The following DCC variants were observed in gnomAD, a reference collection of about 807,000 sequenced individuals.
The protein encoded by DCC is DCC netrin 1 receptor.
In DCC, 58 loss-of-function variants were observed where a neutral mutation model predicts 172.5. The ratio of observed to expected loss-of-function variants is 0.34; its 90% confidence interval spans 0.27 to 0.42. DCC has a LOEUF of 0.42. Among genes scored for constraint, DCC ranks in the 10% least tolerant of loss-of-function variants. DCC has a pLI of 1.00. For synonymous variants in DCC, 709 were observed against 644.5 expected, an observed-to-expected ratio of 1.10 and a Z score of -1.52; for missense variants, 1,740 against 1,791.0, an observed-to-expected ratio of 0.97 and a Z score of 0.51.
intron 1 of DCC, among the ~76,000 whole-genome samples, chr18:52,699,947 G>A (rs1449431190): frequency 6.6e-6 from 1 of 151,950 alleles, no homozygotes; most frequent in African/African-American, 2.4e-5. Context: ...CCATTAAAGT[G>A]TAGGTATCGC....
intron 12 of DCC, among the ~76,000 whole-genome samples, chr18:53,220,058 C>A (rs1425393513): frequency 6.6e-6 from 1 of 151,934 alleles, no homozygotes; most frequent in Non-Finnish European, 1.5e-5. Flanking sequence ...AAGTCCATAG[C>A]CAAGTGGGTG....
chr18:53,294,801 G>A (rs1253752324), intron 12 of DCC, among the ~76,000 whole-genome samples: 1 of 152,168 alleles, frequency 6.6e-6, no homozygotes, highest in African/African-American at 2.4e-5. Flanking sequence ...CCAGGGAAAG[G>A]ATTCTCCCAG....
At chr18:53,382,045 T>C (rs1022527075) in intron 15 of DCC, among the ~76,000 whole-genome samples, 1 of 144,000 alleles carries the variant, frequency 6.9e-6, no homozygotes, top group African/African-American at 2.6e-5. Context: ...CGTTTTTCTT[T>C]TCTCTCTCTC....
intron 12 of DCC, among the ~76,000 whole-genome samples, chr18:53,250,964 C>T (rs1309126786): frequency 6.6e-6 from 1 of 151,904 alleles, no homozygotes; most frequent in African/African-American, 2.4e-5. Flanking sequence ...CCTTGTTGTG[C>T]ATGGTTTACC....
At chr18:52,942,565 A>G (rs2040480600) in intron 5 of DCC, among the ~76,000 whole-genome samples, 2 of 152,194 alleles carry the variant, frequency 1.3e-5, no homozygotes, top group Non-Finnish European at 1.5e-5. Flanking sequence ...GCTCAGAATC[A>G]TGGTGGGGCA....
chr18:53,396,891 T>C (rs72931352), intron 17 of DCC, among the ~76,000 whole-genome samples: 6 of 152,292 alleles, frequency 3.9e-5, no homozygotes, highest in Admixed American at 6.5e-5. Flanking sequence ...GAAGTGGAAT[T>C]TGTCCTGTTG....
chr18:52,566,248 A>G (rs1362015343), intron 1 of DCC, among the ~76,000 whole-genome samples: 1 of 152,194 alleles, frequency 6.6e-6, no homozygotes, highest in East Asian at 1.9e-4. Context: ...CATAATTCTC[A>G]GCAAACTAAC....
At chr18:52,556,431 A>G (rs1409063878) in intron 1 of DCC, among the ~76,000 whole-genome samples, 1 of 152,158 alleles carries the variant, frequency 6.6e-6, no homozygotes, top group Admixed American at 6.6e-5. Flanking sequence ...TAGAGTGGTC[A>G]TAGCTTCCCT....
Position 52,833,915 on chromosome 18 carries a change from C to T in DCC, c.413-72129C>T, listed in dbSNP as rs140750335. Among the ~76,000 whole-genome samples, 12 of 152,266 alleles carry T rather than the reference C, an allele frequency of 7.9e-5. No individual in the cohort carries two copies. In the East Asian group the frequency reaches 1.4e-3, roughly 17 times the overall value. On this transcript the variant is annotated intron_variant, in intron 2 of 28. Coordinates refer to ENST00000442544, the MANE Select transcript of DCC (RefSeq NM_005215.4). ...CTGGGCTCAAGCAATTCTCCGGCTT[C>T]GGCCTCCCAAAGTACTGAGATTACA... is the stretch of plus-strand genomic sequence containing the variant.
chr18:53,071,157 A>G (rs779397476), intron 7 of DCC, among the ~76,000 whole-genome samples: 38 of 152,190 alleles, frequency 2.5e-4, no homozygotes, highest in Admixed American at 5.9e-4. Context: ...CAGTGTCTGT[A>G]GTTGTCGGAT....
chr18:52,523,104 C>G lies in DCC; in HGVS notation c.91+182226C>G, dbSNP rs547373480. Among the ~76,000 whole-genome samples the G allele has an allele frequency of 4.3e-4, 65 of 152,286 alleles. No homozygotes were observed. The South Asian group carries it at 0.013, about 31-fold the overall frequency. On this transcript the variant is annotated intron_variant, in intron 1 of 28. Coordinates refer to ENST00000442544, the MANE Select transcript of DCC (RefSeq NM_005215.4). ...AACACTGGGTTAGGAGTAAGGAAACCTAGATCTTATTCCCAGATCTGCCAT... is the reference window on the plus strand; with the variant it reads ...AACACTGGGTTAGGAGTAAGGAAACGTAGATCTTATTCCCAGATCTGCCAT...
intron 5 of DCC, among the ~76,000 whole-genome samples, chr18:52,941,517 C>A (rs921850359): frequency 2.1e-5 from 3 of 144,926 alleles, no homozygotes; most frequent in Admixed American, 1.4e-4. Flanking sequence ...TATATATATA[C>A]ACACTTGTAT....
chr18:53,193,835 A>G (rs1159177720), intron 9 of DCC, among the ~76,000 whole-genome samples: 10 of 152,340 alleles, frequency 6.6e-5, no homozygotes, highest in African/African-American at 2.4e-4. Context: ...CCCCGAAGAG[A>G]TGGTATCTTT....
intron 5 of DCC, among the ~76,000 whole-genome samples, chr18:53,006,227 A>G (rs954784958): frequency 6.6e-6 from 1 of 152,212 alleles, no homozygotes; most frequent in Non-Finnish European, 1.5e-5. Flanking sequence ...AATAGAATTT[A>G]TCTTCTGAAC....
At chr18:52,571,052 C>A (rs1885977383) in intron 1 of DCC, among the ~76,000 whole-genome samples, 1 of 152,138 alleles carries the variant, frequency 6.6e-6, no homozygotes, top group Non-Finnish European at 1.5e-5. Context: ...TGACTTTTGA[C>A]TCTGTTTTTA....
intron 11 of DCC, among the ~76,000 whole-genome samples, chr18:53,210,171 T>C (rs2144564749): frequency 6.6e-6 from 1 of 152,328 alleles, no homozygotes; most frequent in East Asian, 1.9e-4. Flanking sequence ...TTCATTTCCT[T>C]ATTATCCAGT....
At chr18:53,157,573 G>A in intron 8 of DCC, 61 bp downstream of exon 8, 3 of 1,567,852 alleles carry the variant, frequency 1.9e-6, no homozygotes, top group Non-Finnish European at 2.6e-6. Flanking sequence ...CAATACGGTT[G>A]GGTAATGGCA....
chr18:53,157,437 G>A lies in DCC; in HGVS notation c.1343G>A (p.Ser448Asn). Reference sequence around the variant, plus strand: ...GTTTCCAGCCGATTTGTCCGTCTCAGCTGGCGCCCACCTGCAGAAGCGAAA... The same window carrying A: ...GTTTCCAGCCGATTTGTCCGTCTCAACTGGCGCCCACCTGCAGAAGCGAAA... ...VLVSSRFVRL[S>N]WRPPAEAKGN... is the part of the protein sequence containing the mutation. Residue 448 changes from serine to asparagine, a missense_variant, in exon 8 of 29, where the codon AGC (serine) becomes AAC (asparagine). Ser to Asn is a conservative substitution (Grantham distance 46, BLOSUM62 1). Coordinates refer to ENST00000442544, the MANE Select transcript of DCC (RefSeq NM_005215.4). The A allele has an allele frequency of 6.2e-7, 1 of 1,614,134 alleles. No individual in the cohort carries two copies. The highest frequency in any genetic ancestry group is 8.5e-7 in the Non-Finnish European group (1 of 1,180,004).
intron 1 of DCC, among the ~76,000 whole-genome samples, chr18:52,741,844 G>A (rs890978383): frequency 3.3e-5 from 5 of 152,132 alleles, no homozygotes; most frequent in Middle Eastern, 3.4e-3. Context: ...TCTGCTCCAC[G>A]TCTGTGATGA....
Sources: gnomAD v4.1 joint callset for allele counts (sites outside exome capture counted in the v4.1 genomes callset) on GRCh38, gnomAD v4.1.1 for gene constraint, MANE v1.5 for transcripts, NCBI Gene and HGNC (gene_info 2026-07-23, HGNC 2026-07-21) for gene names.